Variants in MAPK13 observed in about 807,000 individuals in gnomAD.
MAPK13 encodes MAP kinase 13.
Under a neutral mutation model 53.5 loss-of-function variants are expected in MAPK13, and 39 were observed. The observed-to-expected ratio is 0.73, with a 90% CI of 0.56 to 0.95. The LOEUF is 0.95. Among genes scored for constraint, MAPK13 ranks in the 40% least tolerant of loss-of-function variants. MAPK13 has a pLI of 0.00. For synonymous variants in MAPK13, 179 were observed against 190.9 expected (o/e 0.94, Z 0.51); for missense variants, 460 against 471.8 (o/e 0.98, Z 0.23).
At position 36,143,492 on chromosome 6, in the gene MAPK13, C is replaced by T. The variant is rs1162687631; in HGVS notation, c.*4119C>T. On this transcript the variant is annotated 3_prime_UTR_variant, in exon 12 of 12. Transcript: ENST00000211287. ...GGCACATTGAAATAGCTTTTGCTGTCTGCTAGGGTGTGGAAAACTGTTTTT... is the reference window on the plus strand; with the variant it reads ...GGCACATTGAAATAGCTTTTGCTGTTTGCTAGGGTGTGGAAAACTGTTTTT... 1.3e-5 allele frequency: 2 copies of T among 152,196 alleles called. No homozygotes were observed. The highest frequency in any genetic ancestry group is 3.9e-4 in the East Asian group (2 of 5,172). The allele number at this position is 152,196 out of a possible 1,614,324, so 9.4% of individuals were successfully genotyped here. A position where few individuals can be genotyped will look rare whatever the true frequency, so the allele number is the denominator to read the frequency against.
In MAPK13 at chr6:36,132,664, G is replaced by A. The variant is rs752598428; in HGVS notation, c.293G>A (p.Arg98His). ...GTCTTCACCCCAGCCTCCTCCCTGC[G>A]CAACTTCTATGACTTGTGAGTTGGG... Reference protein sequence around the residue: ...LDVFTPASSLRNFYDFYLVMP... With the variant: ...LDVFTPASSLHNFYDFYLVMP... The change falls in exon 3 of 12, where the codon CGC (arginine) becomes CAC (histidine). Residue 98 changes from arginine (R) to histidine (H), a missense_variant. Coordinates refer to ENST00000211287, the MANE Select transcript of MAPK13 (RefSeq NM_002754.5). 9.3e-6 allele frequency: 15 copies of A among 1,614,182 alleles called. No individual in the cohort carries two copies. The highest frequency in any genetic ancestry group is 4.5e-5 in the East Asian group (2 of 44,884).
Position 36,131,346 on chromosome 6 carries a change from C to T in MAPK13, c.195C>T (p.Phe65=). The change falls in exon 2 of 12, where the codon TTC becomes TTT. Residue 65 remains phenylalanine (F), a synonymous_variant. Transcript: ENST00000211287. ...KLSRPFQSEI[F]AKRAYRELLL... ...GCCGACCCTTTCAGTCCGAGATCTT[C>T]GCCAAGCGCGCCTACCGGGAGCTGC... 6.2e-7 allele frequency: 1 copy of T among 1,613,896 alleles called. No individual in the cohort carries two copies. Among genetic ancestry groups the T allele is most frequent in the Non-Finnish European group, 8.5e-7 (1 of 1,179,934 alleles).
At chr6:36,134,192 C>G (rs994403783) in intron 3 of MAPK13, among the ~76,000 whole-genome samples, 3 of 151,952 alleles carry the variant, frequency 2.0e-5, no homozygotes, top group African/African-American at 7.3e-5. Context: ...AACCAGTGCC[C>G]GAGTGGAGGG....
rs143636949 is a variant in MAPK13 at position 36,132,729 on chromosome 6, G to T, written c.308+50G>T. 9 of 1,594,224 alleles carry T rather than the reference G, an allele frequency of 5.6e-6. No homozygotes were observed. The South Asian group carries it at 6.6e-5, about 12-fold the overall frequency. On this transcript the variant is annotated intron_variant, in intron 3 of 11. Transcript: ENST00000211287. Reference sequence around the variant, plus strand: ...GGGGCATTTGCAGGCCTTACATGCCGCTGGGGAGCAAGGTGGGGGAGGGTC... The same window carrying T: ...GGGGCATTTGCAGGCCTTACATGCCTCTGGGGAGCAAGGTGGGGGAGGGTC...
intron 8 of MAPK13, among the ~76,000 whole-genome samples, chr6:36,137,450 G>T (rs1766439417): frequency 6.6e-6 from 1 of 152,082 alleles, no homozygotes; most frequent in African/African-American, 2.4e-5. Flanking sequence ...AGGAGGTGGA[G>T]CTTGCAGTGA....
At chr6:36,138,476 G>A (rs765574798) in intron 9 of MAPK13, 32 bp downstream of exon 9, 3 of 1,606,004 alleles carry the variant, frequency 1.9e-6, no homozygotes, top group Non-Finnish European at 2.6e-6. Flanking sequence ...GGCTGGCCTG[G>A]GCTGTGTGCT....
chr6:36,138,987 A>T lies in MAPK13; in HGVS notation c.950A>T (p.Glu317Val). 1 of 1,613,778 alleles carries T rather than the reference A, an allele frequency of 6.2e-7. No individual in the cohort carries two copies. Among genetic ancestry groups the T allele is most frequent in the Non-Finnish European group, 8.5e-7 (1 of 1,179,938 alleles). Residue 317 changes from glutamate to valine, a missense_variant, in exon 11 of 12, where the codon GAG (glutamate) becomes GTG (valine). Physicochemically the swap from Glu to Val is moderately radical, Grantham distance 121 (BLOSUM62 -2). Coordinates refer to ENST00000211287, the MANE Select transcript of MAPK13 (RefSeq NM_002754.5). Reference sequence around the variant, plus strand: ...GAACCCTTCCGGGACCCTGAGGAAGAGACGGAGGCCCAGCAGCCGTTTGAT... The same window carrying T: ...GAACCCTTCCGGGACCCTGAGGAAGTGACGGAGGCCCAGCAGCCGTTTGAT... Reference protein sequence around the residue: ...FFEPFRDPEEETEAQQPFDDS... With the variant: ...FFEPFRDPEEVTEAQQPFDDS...
Position 36,144,119 on chromosome 6 carries a change from C to T in MAPK13, c.*4746C>T, listed in dbSNP as rs916924503. 2.6e-5 allele frequency: 4 copies of T among 152,226 alleles called. No individual in the cohort carries two copies. The highest frequency in any genetic ancestry group is 9.6e-5 in the African/African-American group (4 of 41,456). The allele number at this position is 152,226 out of a possible 1,614,324, so 9.4% of individuals were successfully genotyped here. A position where few individuals can be genotyped will look rare whatever the true frequency, so the allele number is the denominator to read the frequency against. On this transcript the variant is annotated 3_prime_UTR_variant, in exon 12 of 12. Coordinates refer to ENST00000211287, the MANE Select transcript of MAPK13 (RefSeq NM_002754.5). Reference sequence around the variant, plus strand: ...CTGGGTTCAGGTGATCCTCCCACCTCAGCCTCCCAAGTAGCTGGGACTATA... The same window carrying T: ...CTGGGTTCAGGTGATCCTCCCACCTTAGCCTCCCAAGTAGCTGGGACTATA...
chr6:36,139,232 G>C (rs1452127292), intron 11 of MAPK13, 62 bp from the exon 12 acceptor site: 7 of 1,514,662 alleles, frequency 4.6e-6, no homozygotes, highest in East Asian at 4.5e-5. Context: ...GTCTCTGAAG[G>C]GGGGTGGACT....
At chr6:36,138,301 G>A (rs1766460699) in intron 8 of MAPK13, 64 bp from the exon 9 acceptor site, 3 of 1,249,592 alleles carry the variant, frequency 2.4e-6, no homozygotes, top group Non-Finnish European at 3.5e-6. Context: ...TGATGGTGGG[G>A]TCGCAGGAAG....
Position 36,132,629 on chromosome 6 carries a change from G to A in MAPK13, c.258G>A (p.Gly86=). ...LKHMQHENVI[G]LLDVFTPASS... ...GGTGACTTCTTCCCCAGGTCATTGG[G>A]CTCCTGGATGTCTTCACCCCAGCCT... Residue 86 remains glycine (G), a synonymous_variant, in exon 3 of 12, where the codon GGG becomes GGA. Transcript: ENST00000211287. The A allele has an allele frequency of 6.2e-7, 1 of 1,614,208 alleles. No individual in the cohort carries two copies.
chr6:36,134,604 C>T (rs1766379038), intron 3 of MAPK13, among the ~76,000 whole-genome samples: 1 of 151,668 alleles, frequency 6.6e-6, no homozygotes, highest in African/African-American at 2.4e-5. Flanking sequence ...CACTATGTTA[C>T]TCATCCTGAT....
intron 5 of MAPK13, 37 bp downstream of exon 5, chr6:36,136,085 T>C (rs2127486619): frequency 6.2e-7 from 1 of 1,612,814 alleles, no homozygotes; most frequent in Non-Finnish European, 8.5e-7. Flanking sequence ...CAGAGGCCCC[T>C]GTCCCATCCC....
rs1397933550 is a variant in MAPK13 at position 36,143,522 on chromosome 6, G to A, written c.*4149G>A. 2.0e-5 allele frequency: 3 copies of A among 152,092 alleles called. No individual in the cohort carries two copies. Among genetic ancestry groups the A allele is most frequent in the African/African-American group, 7.2e-5 (3 of 41,406 alleles). 9.4% of individuals were successfully genotyped at this position (152,092 alleles called of 1,614,324 possible). ...AGGGTGTGGAAAACTGTTTTTCCAT[G>A]GCCCCAAGCAATGCTATAGCTACAG... On this transcript the variant is annotated 3_prime_UTR_variant, in exon 12 of 12. Coordinates refer to ENST00000211287, the MANE Select transcript of MAPK13 (RefSeq NM_002754.5).
At chr6:36,132,300 C>A (rs1459451941) in intron 2 of MAPK13, among the ~76,000 whole-genome samples, 1 of 152,204 alleles carries the variant, frequency 6.6e-6, no homozygotes, top group African/African-American at 2.4e-5. Flanking sequence ...TGCTTTCCTG[C>A]TGCCTAGGTG....
rs1581888274 is a variant in MAPK13 at position 36,139,759 on chromosome 6, A to G, written c.*386A>G. The G allele has an allele frequency of 5.4e-6, 1 of 186,128 alleles. No individual in the cohort carries two copies. 11.5% of individuals were successfully genotyped at this position (186,128 alleles called of 1,614,324 possible). On this transcript the variant is annotated 3_prime_UTR_variant, in exon 12 of 12. Coordinates refer to ENST00000211287, the MANE Select transcript of MAPK13 (RefSeq NM_002754.5). ...AAACAGCAGAACTTGATTCCCTTACAGTTCTGGAGGCTGGAAATCTGGGAT... is the reference window on the plus strand; with the variant it reads ...AAACAGCAGAACTTGATTCCCTTACGGTTCTGGAGGCTGGAAATCTGGGAT...
Position 36,143,493 on chromosome 6 carries a change from T to C in MAPK13, c.*4120T>C, listed in dbSNP as rs1766574635. The C allele has an allele frequency of 6.6e-6, 1 of 152,204 alleles. No individual in the cohort carries two copies. The highest frequency in any genetic ancestry group is 2.4e-5 in the African/African-American group (1 of 41,436). 9.4% of individuals were successfully genotyped at this position (152,204 alleles called of 1,614,324 possible). On this transcript the variant is annotated 3_prime_UTR_variant, in exon 12 of 12. Coordinates refer to ENST00000211287, the MANE Select transcript of MAPK13 (RefSeq NM_002754.5). Reference sequence around the variant, plus strand: ...GCACATTGAAATAGCTTTTGCTGTCTGCTAGGGTGTGGAAAACTGTTTTTC... The same window carrying C: ...GCACATTGAAATAGCTTTTGCTGTCCGCTAGGGTGTGGAAAACTGTTTTTC...
At position 36,139,397 on chromosome 6, in the gene MAPK13, C is replaced by T. The variant is rs1319081743; in HGVS notation, c.*24C>T. 10 of 1,599,550 alleles carry T rather than the reference C, an allele frequency of 6.3e-6. No homozygotes were observed. Among genetic ancestry groups the T allele is most frequent in the South Asian group, 3.3e-5 (3 of 90,814 alleles). ...AGGGACTCATCTTGCATGGCACCGC[C>T]GGCCAGACACTGCCCAAGGACCAGT... On this transcript the variant is annotated 3_prime_UTR_variant, in exon 12 of 12. Transcript: ENST00000211287.
chr6:36,132,735 G>A, intron 3 of MAPK13, 56 bp downstream of exon 3: 4 of 1,585,038 alleles, frequency 2.5e-6, no homozygotes, highest in Non-Finnish European at 3.5e-6. Context: ...TGCCGCTGGG[G>A]AGCAAGGTGG....
Sources: gnomAD v4.1 joint callset for allele counts (sites outside exome capture counted in the v4.1 genomes callset) on GRCh38, gnomAD v4.1.1 for gene constraint, MANE v1.5 for transcripts, NCBI Gene and HGNC (gene_info 2026-07-23, HGNC 2026-07-21) for gene names.